The following SLC25A21 variants were observed in gnomAD, a reference collection of about 807,000 sequenced individuals.
The protein encoded by SLC25A21 is solute carrier family 25 member 21.
In SLC25A21, 47 loss-of-function variants were observed where a neutral mutation model predicts 43.8. That is an observed-to-expected ratio of 1.07 (90% CI 0.85 to 1.37). The LOEUF (loss-of-function observed/expected upper bound fraction) is 1.37. Ranked by LOEUF, SLC25A21 falls within the 40% of genes most tolerant of loss-of-function variation. The pLI is 0.00. For synonymous variants in SLC25A21, 131 were observed against 121.3 expected (o/e 1.08, Z -0.52); for missense variants, 352 against 350.2 (o/e 1.00, Z -0.04).
At chr14:37,140,974 C>A (rs182641938) in intron 1 of SLC25A21, among the ~76,000 whole-genome samples, 1 of 152,056 alleles carries the variant, frequency 6.6e-6, no homozygotes, top group Non-Finnish European at 1.5e-5. Flanking sequence ...GGCGAAATTC[C>A]GTCTCTACAA....
intron 3 of SLC25A21, among the ~76,000 whole-genome samples, chr14:36,743,098 T>C (rs991545540): frequency 1.3e-5 from 2 of 152,160 alleles, no homozygotes; most frequent in Non-Finnish European, 2.9e-5. Context: ...GAGTGCTCAA[T>C]GCACTAAACA....
chr14:37,021,572 A>T (rs1960985950), intron 1 of SLC25A21, among the ~76,000 whole-genome samples: 1 of 151,962 alleles, frequency 6.6e-6, no homozygotes, highest in Non-Finnish European at 1.5e-5. Flanking sequence ...GAATCCCATT[A>T]CAGATGATTC....
intron 5 of SLC25A21, among the ~76,000 whole-genome samples, chr14:36,727,769 T>C (rs1285603201): frequency 6.6e-6 from 1 of 152,180 alleles, no homozygotes; most frequent in Admixed American, 6.5e-5. Flanking sequence ...TCACTGATGA[T>C]GTTTCCATTT....
chr14:37,055,928 G>C (rs139913824), intron 1 of SLC25A21, among the ~76,000 whole-genome samples: 2 of 125,260 alleles, frequency 1.6e-5, no homozygotes, highest in Non-Finnish European at 3.8e-5. Flanking sequence ...CCCAGTGTTG[G>C]AGGTGAGGCC....
At chr14:36,816,367 T>C (rs535605760) in intron 2 of SLC25A21, among the ~76,000 whole-genome samples, 4 of 152,140 alleles carry the variant, frequency 2.6e-5, no homozygotes, top group South Asian at 2.1e-4. Context: ...GGAGATACAA[T>C]AGACTGGGTG....
intron 1 of SLC25A21, among the ~76,000 whole-genome samples, chr14:37,141,839 T>G (rs539329441): frequency 6.6e-6 from 1 of 152,342 alleles, no homozygotes; most frequent in African/African-American, 2.4e-5. Flanking sequence ...TCTGAGTACT[T>G]TGATATGATA....
chr14:37,135,477 C>A (rs1193116309), intron 1 of SLC25A21, among the ~76,000 whole-genome samples: 1 of 152,196 alleles, frequency 6.6e-6, no homozygotes, highest in African/African-American at 2.4e-5. Flanking sequence ...TCCCCCCACC[C>A]TCGGCCTCCC....
chr14:36,954,359 G>T (rs981859482), intron 1 of SLC25A21, among the ~76,000 whole-genome samples: 2 of 151,988 alleles, frequency 1.3e-5, no homozygotes, highest in Admixed American at 1.3e-4. Context: ...GTCTGCTAAA[G>T]ACTTTCCATT....
chr14:37,025,228 G>T (rs1961068573), intron 1 of SLC25A21, among the ~76,000 whole-genome samples: 3 of 152,160 alleles, frequency 2.0e-5, no homozygotes, highest in Admixed American at 2.0e-4. Context: ...CATCAAGCAA[G>T]TCACTGAAAC....
rs148372812 is a variant in SLC25A21, at chr14:36,745,089, C to T, written c.204-10516G>A. On this transcript the variant is annotated intron_variant, in intron 3 of 9. Coordinates refer to ENST00000331299, the MANE Select transcript of SLC25A21 (RefSeq NM_030631.4). ...ACTCCCACTTATGGGTGAGAATATGCGCTGCCTTGTTTTCTGTCCCTGTGA... is the reference window on the plus strand; with the variant it reads ...ACTCCCACTTATGGGTGAGAATATGTGCTGCCTTGTTTTCTGTCCCTGTGA... Among the ~76,000 whole-genome samples, 863 of 148,444 alleles carry T rather than the reference C, an allele frequency of 5.8e-3. 10 individuals carry two copies. The highest frequency in any genetic ancestry group is 0.02 in the African/African-American group (807 of 40,316).
rs549298845 is a variant in SLC25A21 at position 36,911,184 on chromosome 14, C to T, written c.71-36180G>A. Among the ~76,000 whole-genome samples, 82 of 152,302 alleles carry T rather than the reference C, an allele frequency of 5.4e-4. 2 individuals carry two copies. The highest frequency in any genetic ancestry group is 3.4e-3 in the Middle Eastern group (1 of 294). On this transcript the variant is annotated intron_variant, in intron 1 of 9. Transcript: ENST00000331299. ...ACTACTACTGCCACCACTACCACTA[C>T]TGAAACTGGCTTACTTTATTACGTG...
At chr14:36,746,611 T>C (rs565042211) in intron 3 of SLC25A21, among the ~76,000 whole-genome samples, 2 of 152,210 alleles carry the variant, frequency 1.3e-5, no homozygotes, top group Non-Finnish European at 2.9e-5. Flanking sequence ...TATTAAGTCC[T>C]TCACCAGACA....
chr14:37,159,874 G>A (rs1383371258), intron 1 of SLC25A21, among the ~76,000 whole-genome samples: 2 of 151,886 alleles, frequency 1.3e-5, no homozygotes, highest in African/African-American at 2.4e-5. Flanking sequence ...CAACTCAAAA[G>A]GACAAAGATA....
At chr14:36,919,443 A>G (rs1291844369) in intron 1 of SLC25A21, among the ~76,000 whole-genome samples, 1 of 152,024 alleles carries the variant, frequency 6.6e-6, no homozygotes, top group Non-Finnish European at 1.5e-5. Context: ...GCAAATTGAC[A>G]TTTGGATAAA....
At chr14:36,787,891 C>A (rs925130747) in intron 3 of SLC25A21, among the ~76,000 whole-genome samples, 1 of 152,046 alleles carries the variant, frequency 6.6e-6, no homozygotes, top group Non-Finnish European at 1.5e-5. Context: ...TGCAAGCATG[C>A]TTGTTTTAAT....
At chr14:37,044,330 T>C (rs1961542232) in intron 1 of SLC25A21, among the ~76,000 whole-genome samples, 1 of 152,120 alleles carries the variant, frequency 6.6e-6, no homozygotes, top group Non-Finnish European at 1.5e-5. Context: ...TAAAATTACA[T>C]AAAAGAAAAG....
chr14:36,882,106 G>C (rs1471116203), intron 1 of SLC25A21, among the ~76,000 whole-genome samples: 2 of 152,118 alleles, frequency 1.3e-5, no homozygotes, highest in African/African-American at 4.8e-5. Flanking sequence ...TATCTGGCTG[G>C]GCATGGTGGC....
At chr14:36,908,600 T>C (rs1267484050) in intron 1 of SLC25A21, among the ~76,000 whole-genome samples, 1 of 152,258 alleles carries the variant, frequency 6.6e-6, no homozygotes, top group Non-Finnish European at 1.5e-5. Flanking sequence ...CTCATGTGGC[T>C]ATTTAGCATA....
intron 1 of SLC25A21, among the ~76,000 whole-genome samples, chr14:36,941,984 G>C (rs1892571132): frequency 1.3e-5 from 2 of 152,024 alleles, no homozygotes; most frequent in Admixed American, 1.3e-4. Context: ...TTGTATCAAT[G>C]TAAAAAGCTA....
Sources: gnomAD v4.1 joint callset for allele counts (sites outside exome capture counted in the v4.1 genomes callset) on GRCh38, gnomAD v4.1.1 for gene constraint, MANE v1.5 for transcripts, NCBI Gene and HGNC (gene_info 2026-07-23, HGNC 2026-07-21) for gene names.